The following CHCHD6 variants were observed in gnomAD, a reference collection of about 807,000 sequenced individuals.
The protein encoded by CHCHD6 is coiled-coil-helix-coiled-coil-helix domain containing 6.
Under a neutral mutation model 32.3 loss-of-function variants are expected in CHCHD6, and 28 were observed. The ratio of observed to expected loss-of-function variants is 0.87; its 90% CI spans 0.64 to 1.19. CHCHD6 has a LOEUF of 1.19. Ranked by LOEUF, CHCHD6 falls within the 50% of genes most tolerant of loss-of-function variation. The probability of loss-of-function intolerance (pLI) is 0.00; values close to 1 mark genes in which losing one functional copy is unlikely to be tolerated. For missense variants in CHCHD6, 333 were observed against 307.0 expected (o/e 1.08, Z -0.63); for synonymous variants, 122 against 117.5 (o/e 1.04, Z -0.25).
chr3:126,726,442 G>A (rs1935538414), intron 1 of CHCHD6, among the ~76,000 whole-genome samples: 1 of 152,118 alleles, frequency 6.6e-6, no homozygotes, highest in Non-Finnish European at 1.5e-5. Flanking sequence ...AAAGCTTCAA[G>A]TATCATGAGA....
At chr3:126,791,848 C>T (rs764150562) in intron 4 of CHCHD6, among the ~76,000 whole-genome samples, 71 of 152,250 alleles carry the variant, frequency 4.7e-4, no homozygotes, top group Middle Eastern at 3.4e-3. Flanking sequence ...TGACCTCAGG[C>T]GATCCACCTG....
intron 5 of CHCHD6, among the ~76,000 whole-genome samples, chr3:126,861,612 C>T (rs1300380891): frequency 6.6e-6 from 1 of 151,690 alleles, no homozygotes; most frequent in Non-Finnish European, 1.5e-5. Flanking sequence ...TTACCACCTC[C>T]TCCTCCACCA....
chr3:126,869,288 CTT>C (rs58408227), intron 5 of CHCHD6, among the ~76,000 whole-genome samples: 6 of 108,668 alleles, frequency 5.5e-5, no homozygotes, highest in African/African-American at 7.0e-5. Context: ...CACCAGTCTC[CTT>C]TTTTTTTTTT....
intron 4 of CHCHD6, among the ~76,000 whole-genome samples, chr3:126,799,648 C>A (rs1938971644): frequency 6.6e-6 from 1 of 152,192 alleles, no homozygotes; most frequent in African/African-American, 2.4e-5. Context: ...TCGTGTACCC[C>A]ACTGACAGTA....
intron 5 of CHCHD6, among the ~76,000 whole-genome samples, chr3:126,863,881 A>ACCT (rs1942099478): frequency 1.9e-5 from 2 of 104,518 alleles, no homozygotes; most frequent in Admixed American, 9.7e-5. Flanking sequence ...CACCATCACC[A>ACCT]CCTCCTCCTC....
chr3:126,946,791 T>C (rs965624808), intron 6 of CHCHD6, among the ~76,000 whole-genome samples: 1 of 152,172 alleles, frequency 6.6e-6, no homozygotes, highest in Non-Finnish European at 1.5e-5. Context: ...GAATGTCTAA[T>C]TCACTCGGAA....
chr3:126,731,474 T>C (rs1935802387), intron 3 of CHCHD6, among the ~76,000 whole-genome samples: 1 of 152,094 alleles, frequency 6.6e-6, no homozygotes, highest in African/African-American at 2.4e-5. Context: ...CTAAGAAGAG[T>C]ACTTCTTTAA....
intron 5 of CHCHD6, among the ~76,000 whole-genome samples, chr3:126,868,881 C>A (rs2077425984): frequency 6.6e-6 from 1 of 152,166 alleles, no homozygotes; most frequent in Non-Finnish European, 1.5e-5. Context: ...AGGCTGTAGA[C>A]CCTGCACATC....
intron 1 of CHCHD6, among the ~76,000 whole-genome samples, chr3:126,719,348 C>T (rs111653674): frequency 1.3e-5 from 2 of 152,212 alleles, no homozygotes; most frequent in East Asian, 1.9e-4. Context: ...AGGAATGTCA[C>T]GGCTAAGCAG....
intron 4 of CHCHD6, among the ~76,000 whole-genome samples, chr3:126,768,694 A>G (rs935988616): frequency 9.2e-5 from 14 of 152,196 alleles, no homozygotes; most frequent in Non-Finnish European, 2.1e-4. Flanking sequence ...AGCAGTGTCT[A>G]TAAGCATACC....
intron 1 of CHCHD6, among the ~76,000 whole-genome samples, chr3:126,726,725 G>T (rs1405394298): frequency 6.6e-6 from 1 of 152,208 alleles, no homozygotes; most frequent in Non-Finnish European, 1.5e-5. Flanking sequence ...AGAGAGGGAG[G>T]TGGTGGGCTG....
chr3:126,718,511 A>T (rs1316532694), intron 1 of CHCHD6, among the ~76,000 whole-genome samples: 2 of 152,200 alleles, frequency 1.3e-5, no homozygotes, highest in Non-Finnish European at 2.9e-5. Context: ...CTGGGATTCA[A>T]ACCTGGGCTG....
At chr3:126,772,745 T>C (rs1269928029) in intron 4 of CHCHD6, among the ~76,000 whole-genome samples, 1 of 152,190 alleles carries the variant, frequency 6.6e-6, no homozygotes, top group Non-Finnish European at 1.5e-5. Context: ...AGGTTAGTAT[T>C]GATATGTGTG....
chr3:126,954,957 A>G (rs2078763238), intron 6 of CHCHD6, among the ~76,000 whole-genome samples: 1 of 152,226 alleles, frequency 6.6e-6, no homozygotes, highest in Non-Finnish European at 1.5e-5. Flanking sequence ...CTGGAGACTC[A>G]GGGAGCAGAA....
chr3:126,846,684 T>G (rs920553148), intron 4 of CHCHD6, among the ~76,000 whole-genome samples: 8 of 152,228 alleles, frequency 5.3e-5, no homozygotes, highest in Non-Finnish European at 1.2e-4. Flanking sequence ...ACACGTGATA[T>G]TTACCTTTTT....
intron 5 of CHCHD6, among the ~76,000 whole-genome samples, chr3:126,869,103 A>G (rs537128272): frequency 2.0e-5 from 3 of 152,360 alleles, no homozygotes; most frequent in African/African-American, 7.2e-5. Flanking sequence ...AATCTCCAGA[A>G]CTAACCACTG....
intron 4 of CHCHD6, among the ~76,000 whole-genome samples, chr3:126,787,619 C>T (rs1429590761): frequency 2.0e-5 from 3 of 152,196 alleles, no homozygotes; most frequent in South Asian, 2.1e-4. Context: ...TGATTTGGCT[C>T]TCTGTTTGTC....
intron 4 of CHCHD6, among the ~76,000 whole-genome samples, chr3:126,839,437 T>C (rs1473825011): frequency 2.0e-5 from 3 of 152,240 alleles, no homozygotes; most frequent in African/African-American, 7.2e-5. Context: ...TGCTAAATAC[T>C]GTATTAGCTG....
intron 6 of CHCHD6, among the ~76,000 whole-genome samples, chr3:126,934,712 C>T (rs893086884): frequency 6.6e-6 from 1 of 152,020 alleles, no homozygotes; most frequent in Admixed American, 6.6e-5. Context: ...CCATGCCTGG[C>T]TGATTTTTTT....
Sources: gnomAD v4.1 joint callset for allele counts (sites outside exome capture counted in the v4.1 genomes callset) on GRCh38, gnomAD v4.1.1 for gene constraint, MANE v1.5 for transcripts, NCBI Gene and HGNC (gene_info 2026-07-23, HGNC 2026-07-21) for gene names.